DST: variants seen among roughly 807,000 people sequenced by gnomAD.
DST encodes the protein dystonin.
Under a neutral mutation model 875.2 loss-of-function variants are expected in DST, and 253 were observed. The observed-to-expected ratio is 0.29, with a 90% CI of 0.26 to 0.32. The LOEUF is 0.32. DST is among the 10% of genes least tolerant of loss of function. DST has a pLI of 1.00. For synonymous variants in DST, 3,124 were observed against 3,197.1 expected (o/e 0.98, Z 0.77); for missense variants, 8,287 against 9,111.6 (o/e 0.91, Z 3.68).
At chr6:56,761,446 C>T (rs1564044322) in intron 4 of DST, among the ~76,000 whole-genome samples, 1 of 152,156 alleles carries the variant, frequency 6.6e-6, no homozygotes, top group Non-Finnish European at 1.5e-5. Flanking sequence ...AAATGCACAC[C>T]ATGTTATGTT....
intron 3 of DST, among the ~76,000 whole-genome samples, chr6:56,888,818 C>G (rs182262025): frequency 6.6e-6 from 1 of 152,212 alleles, no homozygotes; most frequent in East Asian, 1.9e-4. Flanking sequence ...AAAATTTCCC[C>G]AAGACTGAAA....
intron 4 of DST, among the ~76,000 whole-genome samples, chr6:56,824,564 C>T (rs562459387): frequency 4.2e-4 from 63 of 151,786 alleles, no homozygotes; most frequent in African/African-American, 1.4e-3. Context: ...AAATGAGGAG[C>T]GTCTCTGCCC....
chr6:56,547,591 A>T (rs1186154701), intron 61 of DST, among the ~76,000 whole-genome samples: 1 of 152,236 alleles, frequency 6.6e-6, no homozygotes, highest in African/African-American at 2.4e-5. Context: ...ATGGAAAATA[A>T]TTTGTCATTG....
At chr6:56,678,781 T>C (rs761328827) in intron 9 of DST, among the ~76,000 whole-genome samples, 13 of 152,162 alleles carry the variant, frequency 8.5e-5, no homozygotes, top group Non-Finnish European at 1.9e-4. Context: ...CTTTAGACTG[T>C]TATGGGCCTG....
rs2098475332 is a variant in DST at position 56,604,390 on chromosome 6, T to C, written c.10238A>G (p.Asp3413Gly). ...AGTCATGGGGGAAACTCCAGAAGAGTCACTCATTTGAGAGTCGCTGGGCAC... is the reference window on the plus strand; with the variant it reads ...AGTCATGGGGGAAACTCCAGAAGAGCCACTCATTTGAGAGTCGCTGGGCAC... The part of the protein sequence containing the change: ...STVPSDSQMS[D>G]SSGVSPMTNS... Residue 3413 changes from aspartate (D) to glycine (G), a missense_variant, in exon 40 of 104, where the codon GAC (aspartate) becomes GGC (glycine). Asp to Gly is a moderately conservative substitution (Grantham distance 94). Around this residue, in one of 10 missense-constraint regions of DST, gnomAD observed 3,138 missense variants for 3,116.6 expected, o/e 1.01. Coordinates refer to ENST00000680361, the MANE Select transcript of DST (RefSeq NM_001374736.1). The C allele has an allele frequency of 1.9e-6, 3 of 1,611,668 alleles. No individual in the cohort carries two copies. The highest frequency in any genetic ancestry group is 2.5e-6 in the Non-Finnish European group (3 of 1,178,724).
At chr6:56,843,608 G>C (rs889687047) in intron 4 of DST, 169 of 983,956 alleles carry the variant, frequency 1.7e-4, no homozygotes, top group Admixed American at 4.3e-4. Context: ...GGGAGGACCG[G>C]CGCGCTGCCT....
At chr6:56,619,281 C>A (rs149649937) in intron 36 of DST, 1 of 1,612,774 alleles carries the variant, frequency 6.2e-7, no homozygotes, top group East Asian at 2.2e-5. Context: ...AATTTGGTTT[C>A]ATTATTCTGC....
Position 56,504,068 on chromosome 6 carries a change from C to A in DST, c.19495G>T (p.Gly6499Cys), listed in dbSNP as rs769893980. ...ATTGGAGACATTGAAGCTAATTTACCACCTGCAATATCTACCCAGTCAAAT... is the reference window on the plus strand; with the variant it reads ...ATTGGAGACATTGAAGCTAATTTACAACCTGCAATATCTACCCAGTCAAAT... ...AVFDWVDIAGGKLASMSPIGT... is the reference protein window; with the variant it reads ...AVFDWVDIAGCKLASMSPIGT... Residue 6499 changes from glycine to cysteine, a missense_variant, in exon 78 of 104, where the codon GGT becomes TGT. By Grantham distance (159) the Gly-to-Cys change is radical. Around this residue, in one of 10 missense-constraint regions of DST, gnomAD observed 1,292 missense variants for 1,552.7 expected, o/e 0.83. Transcript: ENST00000680361. 1 of 1,609,666 alleles carries A rather than the reference C, an allele frequency of 6.2e-7. No individual in the cohort carries two copies. The highest frequency in any genetic ancestry group is 8.5e-7 in the Non-Finnish European group (1 of 1,178,068).
chr6:56,657,168 T>C lies in DST; in HGVS notation c.1215-5924A>G, dbSNP rs555038628. On this transcript the variant is annotated intron_variant, in intron 10 of 103. Transcript: ENST00000680361. Reference sequence around the variant, plus strand: ...AGCATTTTGTATTGGGGAAAAAACATCCACAATGTCATCAGGCAATTATAT... The same window carrying C: ...AGCATTTTGTATTGGGGAAAAAACACCCACAATGTCATCAGGCAATTATAT... 7.2e-5 allele frequency among the ~76,000 whole-genome samples: 11 copies of C among 152,164 alleles called. No homozygotes were observed. In the East Asian group the frequency reaches 2.1e-3, roughly 29 times the overall value.
chr6:56,629,159 T>TA (rs1056280581), intron 32 of DST, 91 bp downstream of exon 32: 26 of 1,288,502 alleles, frequency 2.0e-5, no homozygotes, highest in African/African-American at 2.9e-5. Context: ...ACTATGGAAG[T>TA]AAAAAAATAG....
intron 3 of DST, among the ~76,000 whole-genome samples, chr6:56,889,160 A>G (rs77681905): frequency 0.03 from 4,613 of 152,272 alleles, 205 homozygotes; most frequent in African/African-American, 0.1. Flanking sequence ...TTCTCTATCA[A>G]ATTCATTTTC....
At chr6:56,747,701 C>T (rs1481778314) in intron 4 of DST, among the ~76,000 whole-genome samples, 1 of 152,092 alleles carries the variant, frequency 6.6e-6, no homozygotes, top group East Asian at 1.9e-4. Flanking sequence ...TTTCTAGATT[C>T]AGAGCTCTAG....
At position 56,555,522 on chromosome 6, in the gene DST, A is replaced by G. The variant is rs78470764; in HGVS notation, c.14959T>C (p.Leu4987=). The change falls in exon 60 of 104, where the codon TTG becomes CTG. Residue 4987 remains leucine (L), a synonymous_variant. Coordinates refer to ENST00000680361, the MANE Select transcript of DST (RefSeq NM_001374736.1). ...STHPDAMNQQ[L]ETAQKMKQEI... is the part of the protein sequence containing the mutation. Reference sequence around the variant, plus strand: ...TGCTTCATTTTTTGGGCTGTTTCCAACTGTTGGTTCATAGCATCAGGGTGC... The same window carrying G: ...TGCTTCATTTTTTGGGCTGTTTCCAGCTGTTGGTTCATAGCATCAGGGTGC... The G allele has an allele frequency of 3.8e-4, 615 of 1,613,796 alleles. 3 individuals are homozygous for G. The African/African-American group carries it at 7.3e-3, about 19-fold the overall frequency.
intron 61 of DST, among the ~76,000 whole-genome samples, chr6:56,539,678 T>G (rs552317588): frequency 6.6e-6 from 1 of 152,258 alleles, no homozygotes; most frequent in South Asian, 2.1e-4. Context: ...ACAAGCAATC[T>G]CTACTTATTA....
At chr6:56,846,364 T>C (rs1251201579) in intron 4 of DST, among the ~76,000 whole-genome samples, 3 of 152,246 alleles carry the variant, frequency 2.0e-5, no homozygotes, top group Non-Finnish European at 2.9e-5. Context: ...CAAGTCTGCC[T>C]GAGTTCAAAG....
intron 23 of DST, among the ~76,000 whole-genome samples, 153 bp downstream of exon 23, chr6:56,636,404 A>G (rs973599056): frequency 6.6e-6 from 1 of 150,762 alleles, no homozygotes; most frequent in African/African-American, 2.4e-5. Flanking sequence ...GTATGTGTGT[A>G]TATATATACA....
chr6:56,608,335 T>C lies in DST; in HGVS notation c.6293A>G (p.Tyr2098Cys), dbSNP rs560821708. The C allele has an allele frequency of 6.2e-7, 1 of 1,612,880 alleles. No individual in the cohort carries two copies. The highest frequency in any genetic ancestry group is 8.5e-7 in the Non-Finnish European group (1 of 1,179,794). Residue 2098 changes from tyrosine (Y) to cysteine (C), a missense_variant, in exon 40 of 104, where the codon TAC becomes TGC. Physicochemically the swap from Tyr to Cys is radical, Grantham distance 194 (BLOSUM62 -2). This residue lies in a region of DST where 3,138 missense variants were observed against 3,116.6 expected (regional missense o/e 1.01). Transcript: ENST00000680361. ...TTTTTGTCTGCCATTCAGGATTTTG[T>C]AGGCCAATTCATTTGTAATCAATTC... ...QQELITNELA[Y>C]KILNGRQKIA...
At chr6:56,711,490 C>T (rs2099362992) in intron 5 of DST, among the ~76,000 whole-genome samples, 1 of 152,044 alleles carries the variant, frequency 6.6e-6, no homozygotes, top group Non-Finnish European at 1.5e-5. Flanking sequence ...TATTTTTGCT[C>T]ACATTTTCCC....
At chr6:56,685,389 CAT>C (rs1191633029) in intron 9 of DST, among the ~76,000 whole-genome samples, 2 of 152,124 alleles carry the variant, frequency 1.3e-5, no homozygotes, top group South Asian at 2.1e-4. Flanking sequence ...GGCCAACAAA[CAT>C]ATGAAAAAAT....
Sources: gnomAD v4.1 joint callset for allele counts (sites outside exome capture counted in the v4.1 genomes callset) on GRCh38, gnomAD v4.1.1 for gene constraint, gnomAD v4.1.1 regional missense constraint, MANE v1.5 for transcripts, NCBI Gene and HGNC (gene_info 2026-07-23, HGNC 2026-07-21) for gene names.